Variants in KIF6 observed in about 807,000 individuals in gnomAD.
KIF6 encodes kinesin family member 6.
Under a neutral mutation model 112.7 loss-of-function variants are expected in KIF6, and 106 were observed. The observed-to-expected ratio is 0.94, with a 90% CI of 0.80 to 1.11. KIF6 has a LOEUF of 1.11. KIF6 is among the 50% of genes least tolerant of loss of function. The pLI is 0.00. For synonymous variants in KIF6, 339 were observed against 339.9 expected (o/e 1.00, Z 0.03); for missense variants, 929 against 964.0 (o/e 0.96, Z 0.48).
rs77824464 is a variant in KIF6, at chr6:39,439,710, T to C, written c.1646-8549A>G. On this transcript the variant is annotated intron_variant, in intron 13 of 22. Transcript: ENST00000287152. ...CACTTCTTAATGCTTTCTTTTTTTT[T>C]CAACCTGAAATTCAGTTCCTTATTT... 8.5e-4 allele frequency among the ~76,000 whole-genome samples: 130 copies of C among 152,328 alleles called. 4 individuals are homozygous for C. The East Asian group carries it at 0.015, about 18-fold the overall frequency.
intron 15 of KIF6, among the ~76,000 whole-genome samples, 167 bp from the exon 16 acceptor site, chr6:39,385,839 G>A (rs552411705): frequency 6.6e-6 from 1 of 152,088 alleles, no homozygotes; most frequent in African/African-American, 2.4e-5. Flanking sequence ...CCTAGATCGT[G>A]TTGGAAGAAG....
At position 39,357,314 on chromosome 6, in the gene KIF6, A is replaced by G; in HGVS notation, c.2143T>C (p.Ser715Pro). The G allele has an allele frequency of 6.2e-7, 1 of 1,613,956 alleles. No homozygotes were observed. ...AGGAGTTGGGACCATTCATGCTGGG[A>G]GTCAGATGTCTGGAGAAATGGCTTC... ...HTKPFLQTSD[S>P]QHEWSQLLSN... Residue 715 changes from serine (S) to proline (P), a missense_variant, in exon 19 of 23, where the codon TCC becomes CCC. Around this residue, in one of 2 missense-constraint regions of KIF6, gnomAD observed 241 missense variants for 301.4 expected, o/e 0.80. Coordinates refer to ENST00000287152, the MANE Select transcript of KIF6 (RefSeq NM_145027.6).
chr6:39,494,069 A>G (rs56303847), intron 13 of KIF6, among the ~76,000 whole-genome samples: 13,103 of 152,242 alleles, frequency 0.086, 834 homozygotes, highest in South Asian at 0.19. Context: ...TTCCTCTTTA[A>G]TCCTTTAGGG....
At chr6:39,534,287 C>T (rs1277871997) in intron 13 of KIF6, among the ~76,000 whole-genome samples, 5 of 152,134 alleles carry the variant, frequency 3.3e-5, no homozygotes, top group Non-Finnish European at 5.9e-5. Flanking sequence ...AAATTCAAAC[C>T]AAAGGCAAAG....
chr6:39,374,729 G>A (rs1766295467), intron 16 of KIF6, among the ~76,000 whole-genome samples: 1 of 152,150 alleles, frequency 6.6e-6, no homozygotes, highest in South Asian at 2.1e-4. Flanking sequence ...GATAAGTGTT[G>A]GTGAGGATGT....
At chr6:39,568,663 G>A (rs1417115342) in intron 10 of KIF6, among the ~76,000 whole-genome samples, 1 of 151,738 alleles carries the variant, frequency 6.6e-6, no homozygotes, top group African/African-American at 2.4e-5. Flanking sequence ...TAATTCTCCT[G>A]CCTCAGCCTC....
chr6:39,630,388 T>C (rs140249315), intron 5 of KIF6, among the ~76,000 whole-genome samples: 280 of 152,226 alleles, frequency 1.8e-3, no homozygotes, highest in African/African-American at 6.2e-3. Context: ...TTTCCTCATA[T>C]AGATCTTGTA....
chr6:39,339,306 G>C (rs2113885005), intron 22 of KIF6, among the ~76,000 whole-genome samples: 1 of 152,286 alleles, frequency 6.6e-6, no homozygotes, highest in South Asian at 2.1e-4. Context: ...TCAGAGCCTG[G>C]GCAAGGGTGG....
intron 5 of KIF6, among the ~76,000 whole-genome samples, chr6:39,621,232 C>G (rs916948830): frequency 1.1e-5 from 1 of 92,270 alleles, no homozygotes; most frequent in African/African-American, 5.0e-5. Flanking sequence ...CACACACACA[C>G]GTACACATAT....
chr6:39,337,209 T>TTCTTTCTTTCTTTC (rs1763052254), intron 22 of KIF6, among the ~76,000 whole-genome samples: 1 of 112,650 alleles, frequency 8.9e-6, no homozygotes, highest in Admixed American at 8.7e-5. Context: ...CTTTCTTTCT[T>TTCTTTCTTTCTTTC]TCTTTCTTTC....
chr6:39,337,160 TTTCTTTCCTTCCTTC>T lies in KIF6; in HGVS notation c.2429-627_2429-613del, dbSNP rs1404437024. Among the ~76,000 whole-genome samples, 5 of 63,992 alleles carry T rather than the reference TTTCTTTCCTTCCTTC, an allele frequency of 7.8e-5. 1 individual carries two copies. The highest frequency in any genetic ancestry group is 5.9e-4 in the African/African-American group (5 of 8,438). The allele number at this position is 63,992 out of a possible 152,430, so 42.0% of individuals were successfully genotyped here. On this transcript the variant is annotated intron_variant, in intron 22 of 22. Coordinates refer to ENST00000287152, the MANE Select transcript of KIF6 (RefSeq NM_145027.6). ...CCTTCCTTCCTTTCTCTTTCTTTTCTTTCTTTCCTTCCTTCTTTCTTTCTTTCTTTCTTTCTTTCT... is the reference window on the plus strand; with the variant it reads ...CCTTCCTTCCTTTCTCTTTCTTTTCTTTTCTTTCTTTCTTTCTTTCTTTCT...
chr6:39,528,768 G>T (rs986090988), intron 13 of KIF6, among the ~76,000 whole-genome samples: 1 of 152,212 alleles, frequency 6.6e-6, no homozygotes, highest in Non-Finnish European at 1.5e-5. Context: ...TAGACTGGAA[G>T]AATTAATATT....
chr6:39,594,399 T>C (rs375650790), intron 7 of KIF6, among the ~76,000 whole-genome samples: 22 of 152,326 alleles, frequency 1.4e-4, no homozygotes, highest in African/African-American at 5.1e-4. Context: ...TACAGTCCAT[T>C]ATGTTTTCAT....
At chr6:39,631,745 G>C (rs1383373926) in intron 5 of KIF6, among the ~76,000 whole-genome samples, 2 of 143,922 alleles carry the variant, frequency 1.4e-5, no homozygotes, top group African/African-American at 5.3e-5. Context: ...TACAATCTTT[G>C]CCCAGTTTTG....
At chr6:39,504,261 G>T (rs1253589161) in intron 13 of KIF6, among the ~76,000 whole-genome samples, 2 of 152,018 alleles carry the variant, frequency 1.3e-5, no homozygotes, top group Admixed American at 6.6e-5. Flanking sequence ...AAAATCATAC[G>T]ATTATCTCAA....
intron 3 of KIF6, among the ~76,000 whole-genome samples, chr6:39,656,179 G>T (rs1785770504): frequency 6.6e-6 from 1 of 152,176 alleles, no homozygotes; most frequent in African/African-American, 2.4e-5. Context: ...GTGTGATAGG[G>T]TGTCTCTGTC....
chr6:39,570,270 A>G (rs1780570820), intron 10 of KIF6, among the ~76,000 whole-genome samples: 1 of 152,178 alleles, frequency 6.6e-6, no homozygotes, highest in Non-Finnish European at 1.5e-5. Context: ...GCTTGGAGAG[A>G]CATTGACTGA....
intron 3 of KIF6, among the ~76,000 whole-genome samples, chr6:39,648,610 T>C (rs1490785625): frequency 1.3e-5 from 2 of 152,188 alleles, no homozygotes; most frequent in Admixed American, 6.5e-5. Flanking sequence ...TGTTCTTCAG[T>C]TTGCTGTGGT....
chr6:39,581,530 A>G (rs1781296133), intron 9 of KIF6, among the ~76,000 whole-genome samples: 1 of 152,026 alleles, frequency 6.6e-6, no homozygotes. Flanking sequence ...TGAATTTCAA[A>G]CCTACATGAG....
Sources: allele counts gnomAD v4.1 joint callset (sites outside exome capture counted in the v4.1 genomes callset), GRCh38; gene constraint gnomAD v4.1.1; regional missense constraint gnomAD v4.1.1; transcripts MANE v1.5; gene names NCBI Gene and HGNC (gene_info 2026-07-23, HGNC 2026-07-21).